The following COMP variants were observed in gnomAD, a reference collection of about 807,000 sequenced individuals.
The protein encoded by COMP is cartilage oligomeric matrix protein (pseudoachondroplasia, epiphyseal dysplasia 1, multiple).
COMP carries 79 observed loss-of-function variants against 95.8 expected under a neutral mutation model. The observed-to-expected ratio is 0.82, with a 90% CI of 0.69 to 0.99. The LOEUF is 0.99. Ranked by LOEUF, COMP falls within the 50% of genes least tolerant of loss-of-function variation. COMP has a pLI of 0.00. For missense variants in COMP, 906 were observed against 1,076.1 expected (o/e 0.84, Z 2.21); for synonymous variants, 438 against 433.9 (o/e 1.01, Z -0.12).
In COMP at chr19:18,783,189, G is replaced by A. The variant is rs763098832; in HGVS notation, c.2092C>T (p.Arg698Ter). ...HRPQVGYIRV[R>*]FYEGPELVAD... is the part of the protein sequence containing the mutation. The stretch of plus-strand genomic sequence containing the variant: ...ACCAGCTCAGGGCCCTCATAGAATC[G>A]CACCCTGAGGGTCAGACATGGTGAG... The change falls in exon 18 of 19, where the codon CGA (arginine) becomes TGA (stop). Residue 698 changes from arginine to a stop codon, truncating the protein, a stop_gained. Coordinates refer to ENST00000222271, the MANE Select transcript of COMP (RefSeq NM_000095.3). LOFTEE classifies it high-confidence loss of function. 4 of 1,607,470 alleles carry A rather than the reference G, an allele frequency of 2.5e-6. No homozygotes were observed. Among genetic ancestry groups the A allele is most frequent in the Non-Finnish European group, 2.5e-6 (3 of 1,179,974 alleles).
In COMP at chr19:18,789,357, C is replaced by A; in HGVS notation, c.391-60G>T. The stretch of plus-strand genomic sequence containing the variant: ...TTCGAGCTGGGCCCTGGGGGCCGCA[C>A]CTCGTAGTGTCTCGGATGTGGAAAG... On this transcript the variant is annotated intron_variant, in intron 4 of 18. Coordinates refer to ENST00000222271, the MANE Select transcript of COMP (RefSeq NM_000095.3). The surrounding 1 kb of genome is among the most constrained non-coding windows in gnomAD (Gnocchi z 6.1). The A allele has an allele frequency of 7.1e-7, 1 of 1,409,532 alleles. No individual in the cohort carries two copies. Among genetic ancestry groups the A allele is most frequent in the Non-Finnish European group, 9.3e-7 (1 of 1,073,832 alleles). 87.3% of individuals were successfully genotyped at this position (1,409,532 alleles called of 1,614,324 possible). A position where few individuals can be genotyped will look rare whatever the true frequency, so the allele number is the denominator to read the frequency against.
chr19:18,784,881 G>A lies in COMP; in HGVS notation c.1914+15C>T, dbSNP rs2055153470. ...CATGAGGACCGCAGAGGTCAGGCAC[G>A]GACGGCCCTGGCACCTTGAGTTGGA... On this transcript the variant is annotated intron_variant, in intron 16 of 18. Transcript: ENST00000222271. This position sits in a 1 kb window ranked among gnomAD's most constrained non-coding sequence, Gnocchi z 4.9. 2 of 1,613,136 alleles carry A rather than the reference G, an allele frequency of 1.2e-6. No homozygotes were observed. The highest frequency in any genetic ancestry group is 1.3e-5 in the African/African-American group (1 of 74,940).
At chr19:18,786,395 C>T (rs1381562449) in intron 11 of COMP, 104 bp from the exon 12 acceptor site, 7 of 1,567,878 alleles carry the variant, frequency 4.5e-6, no homozygotes, top group Admixed American at 1.7e-5. Flanking sequence ...CCCAAGGAAA[C>T]CCCCACCGCA....
chr19:18,788,604 C>A lies in COMP; in HGVS notation c.750G>T (p.Ser250=). ...HADCVLERDG[S]RSCVCAVGWA... ...CGCCCGCACTCACCACGCACGACCGCGAGCCATCGCGCTCTAGGACGCAGT... is the reference window on the plus strand; with the variant it reads ...CGCCCGCACTCACCACGCACGACCGAGAGCCATCGCGCTCTAGGACGCAGT... Residue 250 remains serine, a synonymous_variant, in exon 7 of 19, where the codon TCG becomes TCT. Coordinates refer to ENST00000222271, the MANE Select transcript of COMP (RefSeq NM_000095.3). The surrounding 1 kb of genome is among the most constrained non-coding windows in gnomAD (Gnocchi z 4.7). The A allele has an allele frequency of 6.4e-7, 1 of 1,551,712 alleles. No homozygotes were observed. Among genetic ancestry groups the A allele is most frequent in the Non-Finnish European group, 8.7e-7 (1 of 1,148,166 alleles).
Position 18,788,584 on chromosome 19 carries a change from G to T in COMP, c.762+8C>A, listed in dbSNP as rs754346501. 18 of 1,556,076 alleles carry T rather than the reference G, an allele frequency of 1.2e-5. No individual in the cohort carries two copies. Among genetic ancestry groups the T allele is most frequent in the Non-Finnish European group, 1.6e-5 (18 of 1,150,698 alleles). ...ACCCCGCCTCAAGCCCAGCCCGCCC[G>T]CACTCACCACGCACGACCGCGAGCC... is the stretch of plus-strand genomic sequence containing the variant. On this transcript the variant is annotated splice_region_variant and intron_variant, in intron 7 of 18. Coordinates refer to ENST00000222271, the MANE Select transcript of COMP (RefSeq NM_000095.3). The surrounding 1 kb of genome is among the most constrained non-coding windows in gnomAD (Gnocchi z 4.7).
In COMP at chr19:18,784,597, AG is replaced by A. The variant is rs1205753000; in HGVS notation, c.1915-235del. Among the ~76,000 whole-genome samples, 1 of 152,082 alleles carries A rather than the reference AG, an allele frequency of 6.6e-6. No homozygotes were observed. Among genetic ancestry groups the A allele is most frequent in the Non-Finnish European group, 1.5e-5 (1 of 68,008 alleles). On this transcript the variant is annotated intron_variant, in intron 16 of 18. Transcript: ENST00000222271. The surrounding 1 kb of genome is among the most constrained non-coding windows in gnomAD (Gnocchi z 4.9). ...GATTTGGGAGTCCGTGGACAGATTCAGGGTCTGGGAGGATGGGGGGCTCTGC... is the reference window on the plus strand; with the variant it reads ...GATTTGGGAGTCCGTGGACAGATTCAGGTCTGGGAGGATGGGGGGCTCTGC...
chr19:18,782,982 G>A (rs1351544019), intron 18 of COMP, 21 bp from the exon 19 acceptor site: 1 of 1,612,432 alleles, frequency 6.2e-7, no homozygotes, highest in African/African-American at 1.3e-5. Context: ...AGGGCAGGCG[G>A]GTGAGGGCTG....
chr19:18,785,359 G>A (rs1285668533), intron 15 of COMP, 139 bp downstream of exon 15: 8 of 163,896 alleles, frequency 4.9e-5, no homozygotes, highest in Non-Finnish European at 9.0e-5. Context: ...ATATAACCCC[G>A]CCCCTCTGTC....
rs886054303 is a variant in COMP, at chr19:18,788,520, G to C, written c.763-6C>G. On this transcript the variant is annotated splice_polypyrimidine_tract_variant and splice_region_variant and intron_variant, in intron 7 of 18. Coordinates refer to ENST00000222271, the MANE Select transcript of COMP (RefSeq NM_000095.3). This position sits in a 1 kb window ranked among gnomAD's most constrained non-coding sequence, Gnocchi z 4.7. ...CCGGCCCAGCCAACGGCACACTGTG[G>C]GAGAGTGTAAGTGGGTGCCCTGGAG... 72 of 1,595,098 alleles carry C rather than the reference G, an allele frequency of 4.5e-5. No individual in the cohort carries two copies. Among genetic ancestry groups the C allele is most frequent in the Non-Finnish European group, 6.1e-5 (72 of 1,171,478 alleles).
rs1162272600 is a variant in COMP, at chr19:18,784,349, G to C, written c.1929C>G (p.Ser643=). ...PGIQLKAVKS[S]TGPGEQLRNA... is the part of the protein sequence containing the mutation. The stretch of plus-strand genomic sequence containing the variant: ...TCCGCAGCTGTTCCCCGGGGCCTGT[G>C]GAAGACTTCACAGCCTGCCAATACC... The change falls in exon 17 of 19, where the codon TCC becomes TCG. Residue 643 remains serine (S), a synonymous_variant. Coordinates refer to ENST00000222271, the MANE Select transcript of COMP (RefSeq NM_000095.3). The surrounding 1 kb of genome is among the most constrained non-coding windows in gnomAD (Gnocchi z 4.9). The C allele has an allele frequency of 6.2e-7, 1 of 1,613,972 alleles. No homozygotes were observed. Among genetic ancestry groups the C allele is most frequent in the South Asian group, 1.1e-5 (1 of 91,086 alleles).
rs1601059553 is a variant in COMP at position 18,789,936 on chromosome 19, G to A, written c.390+6C>T. ...TCAGGGCGGTGGAGTGTCGGGGCTA[G>A]CGCACCTCGTTGACGTCGGTGCAGT... On this transcript the variant is annotated splice_donor_region_variant and intron_variant, in intron 4 of 18. Coordinates refer to ENST00000222271, the MANE Select transcript of COMP (RefSeq NM_000095.3). The surrounding 1 kb of genome is among the most constrained non-coding windows in gnomAD (Gnocchi z 6.1). 1 of 1,592,662 alleles carries A rather than the reference G, an allele frequency of 6.3e-7. No homozygotes were observed. Among genetic ancestry groups the A allele is most frequent in the Non-Finnish European group, 8.5e-7 (1 of 1,177,754 alleles).
At position 18,786,041 on chromosome 19, in the gene COMP, G is replaced by C; in HGVS notation, c.1413C>G (p.Asp471Glu). 6.2e-7 allele frequency: 1 copy of C among 1,613,806 alleles called. No individual in the cohort carries two copies. Among genetic ancestry groups the C allele is most frequent in the South Asian group, 1.1e-5 (1 of 91,078 alleles). Residue 471 changes from aspartate (D) to glutamate (E), a missense_variant, in exon 13 of 19, where the codon GAC (aspartate) becomes GAG (glutamate). Transcript: ENST00000222271. ...HDGQGDACDD[D>E]DDNDGVPDSR... ...TGTCAGGGACTCCGTCATTGTCGTC[G>C]TCGTCGTCGCAGGCATCACCCTGGC...
intron 2 of COMP, 23 bp from the exon 3 acceptor site, chr19:18,790,636 G>T (rs1467383401): frequency 6.2e-7 from 1 of 1,613,824 alleles, no homozygotes; most frequent in Admixed American, 1.7e-5. Flanking sequence ...GATGGAATCA[G>T]CGGGGTCCCA....
Position 18,786,104 on chromosome 19 carries a change from C to A in COMP, c.1350G>T (p.Thr450=). The A allele has an allele frequency of 6.2e-7, 1 of 1,614,156 alleles. No individual in the cohort carries two copies. Among genetic ancestry groups the A allele is most frequent in the Non-Finnish European group, 8.5e-7 (1 of 1,180,054 alleles). The change falls in exon 13 of 19, where the codon ACG becomes ACT. Residue 450 remains threonine (T), a synonymous_variant. Coordinates refer to ENST00000222271, the MANE Select transcript of COMP (RefSeq NM_000095.3). ...GHQDSRDNCP[T]VPNSAQEDSD... ...AGTCCTCCTGGGCACTGTTAGGCACCGTGGGACAGTTGTCCCGAGAGTCCT... is the reference window on the plus strand; with the variant it reads ...AGTCCTCCTGGGCACTGTTAGGCACAGTGGGACAGTTGTCCCGAGAGTCCT...
chr19:18,790,457 C>T, intron 3 of COMP, 105 bp downstream of exon 3: 1 of 1,447,714 alleles, frequency 6.9e-7, no homozygotes, highest in Non-Finnish European at 9.6e-7. Flanking sequence ...CAGCCTCCAT[C>T]TCCTTCCGTC....
At position 18,790,545 on chromosome 19, in the gene COMP, C is replaced by G; in HGVS notation, c.217+17G>C. 6.2e-7 allele frequency: 1 copy of G among 1,613,626 alleles called. No homozygotes were observed. The highest frequency in any genetic ancestry group is 8.5e-7 in the Non-Finnish European group (1 of 1,179,810). On this transcript the variant is annotated intron_variant, in intron 3 of 18. Coordinates refer to ENST00000222271, the MANE Select transcript of COMP (RefSeq NM_000095.3). ...TCTCCCGTCTCTTCTCTCTCCCGAC[C>G]GCCCCGCCGCGCTCACCGCACGCGT...
At position 18,786,594 on chromosome 19, in the gene COMP, T is replaced by C. The variant is rs746841380; in HGVS notation, c.1192A>G (p.Ser398Gly). 4.3e-6 allele frequency: 7 copies of C among 1,613,956 alleles called. No homozygotes were observed. In the Admixed American group the frequency reaches 5.0e-5, roughly 12 times the overall value. The change falls in exon 11 of 19, where the codon AGT becomes GGT. Residue 398 changes from serine to glycine, a missense_variant. By Grantham distance (56) the Ser-to-Gly change is moderately conservative. Coordinates refer to ENST00000222271, the MANE Select transcript of COMP (RefSeq NM_000095.3). ...GCATCCCCTATACCATCGCCATCAC[T>C]GTCCTTCTGGTCTGAGTTGGGTACC... is the stretch of plus-strand genomic sequence containing the variant. ...PRVPNSDQKD[S>G]DGDGIGDACD...
intron 3 of COMP, 61 bp downstream of exon 3, chr19:18,790,499 GTC>G: frequency 6.3e-7 from 1 of 1,595,772 alleles, no homozygotes; most frequent in East Asian, 2.2e-5. Context: ...CTGGCTCTCT[GTC>G]TCTGTCTCTG....
Position 18,788,527 on chromosome 19 carries a change from G to A in COMP, c.763-13C>T. 6.3e-7 allele frequency: 1 copy of A among 1,583,802 alleles called. No individual in the cohort carries two copies. The highest frequency in any genetic ancestry group is 8.6e-7 in the Non-Finnish European group (1 of 1,165,448). On this transcript the variant is annotated splice_polypyrimidine_tract_variant and intron_variant, in intron 7 of 18. Transcript: ENST00000222271. This position sits in a 1 kb window ranked among gnomAD's most constrained non-coding sequence, Gnocchi z 4.7. ...AGCCAACGGCACACTGTGGGAGAGT[G>A]TAAGTGGGTGCCCTGGAGTGGCCGC... is the stretch of plus-strand genomic sequence containing the variant.
Sources: gnomAD v4.1 joint callset for allele counts (sites outside exome capture counted in the v4.1 genomes callset) on GRCh38, gnomAD v4.1.1 for gene constraint, Gnocchi (gnomAD v3.1) non-coding constraint, MANE v1.5 for transcripts, NCBI Gene and HGNC (gene_info 2026-07-23, HGNC 2026-07-21) for gene names.